Variants in DDX1 observed in about 807,000 individuals in gnomAD.
The protein encoded by DDX1 is ATP-dependent RNA helicase DDX1.
In DDX1, 28 loss-of-function variants were observed where a neutral mutation model predicts 108.7. The observed-to-expected ratio is 0.26, with a 90% CI of 0.19 to 0.35. The LOEUF (loss-of-function observed/expected upper bound fraction) is 0.35, where lower values mean the gene tolerates loss of function less well. Ranked by LOEUF, DDX1 falls within the 10% of genes least tolerant of loss-of-function variation. The pLI, the probability that DDX1 is intolerant of heterozygous loss-of-function variation, is 1.00. For missense variants in DDX1, 710 were observed against 884.5 expected, an observed-to-expected ratio of 0.80 and a Z score of 2.50; for synonymous variants, 295 against 288.9, an observed-to-expected ratio of 1.02 and a Z score of -0.21.
chr2:15,595,839 T>A (rs562664130), intron 3 of DDX1, among the ~76,000 whole-genome samples: 1 of 152,168 alleles, frequency 6.6e-6, no homozygotes, highest in Non-Finnish European at 1.5e-5. Context: ...AGTTGTCCTT[T>A]TGCTTGAAGG....
chr2:15,617,674 A>G (rs536691954), intron 15 of DDX1, among the ~76,000 whole-genome samples: 1 of 152,316 alleles, frequency 6.6e-6, no homozygotes, highest in South Asian at 2.1e-4. Context: ...ATGTAGGCAG[A>G]TTTGATTTTT....
intron 16 of DDX1, among the ~76,000 whole-genome samples, chr2:15,618,771 C>T (rs1298829911): frequency 2.0e-5 from 3 of 152,394 alleles, no homozygotes; most frequent in South Asian, 4.1e-4. Context: ...GGGCCGTCCT[C>T]AGCCTGCCTT....
chr2:15,623,416 T>C lies in DDX1; in HGVS notation c.1448-20T>C. 6.2e-7 allele frequency: 1 copy of C among 1,611,560 alleles called. No homozygotes were observed. The highest frequency in any genetic ancestry group is 1.1e-5 in the South Asian group (1 of 90,856). On this transcript the variant is annotated intron_variant, in intron 18 of 25. Coordinates refer to ENST00000233084, the MANE Select transcript of DDX1 (RefSeq NM_004939.3). ...CAGATTGAAATTCTGTTGGTTTTTG[T>C]TGTTGTTATGATATTCAAGAGATGT...
intron 4 of DDX1, among the ~76,000 whole-genome samples, 173 bp from the exon 5 acceptor site, chr2:15,597,202 C>G (rs1248139796): frequency 6.6e-6 from 1 of 152,146 alleles, no homozygotes; most frequent in African/African-American, 2.4e-5. Context: ...TTCATTCAGT[C>G]CACTCTGTGT....
At chr2:15,604,907 C>T (rs963351413) in intron 10 of DDX1, among the ~76,000 whole-genome samples, 2 of 152,098 alleles carry the variant, frequency 1.3e-5, no homozygotes, top group Non-Finnish European at 2.9e-5. Context: ...GGTGGTAGGC[C>T]ATGCAGATTT....
rs547239592 is a variant in DDX1, at chr2:15,619,423, G to C, written c.1207-785G>C. ...GGGTGGCCCAGTCAGCTGCCTTGGGGATGCGGGGCACAGGGAACCCACCAC... is the reference window on the plus strand; with the variant it reads ...GGGTGGCCCAGTCAGCTGCCTTGGGCATGCGGGGCACAGGGAACCCACCAC... On this transcript the variant is annotated intron_variant, in intron 16 of 25. Coordinates refer to ENST00000233084, the MANE Select transcript of DDX1 (RefSeq NM_004939.3). 6.6e-5 allele frequency among the ~76,000 whole-genome samples: 10 copies of C among 152,210 alleles called. No individual in the cohort carries two copies. The East Asian group carries it at 1.2e-3, about 18-fold the overall frequency.
chr2:15,618,403 C>G (rs958935828), intron 16 of DDX1, 133 bp downstream of exon 16: 2 of 574,590 alleles, frequency 3.5e-6, no homozygotes, highest in Non-Finnish European at 6.4e-6. Context: ...GGGTTTTGCT[C>G]AGTTCCACCC....
intron 15 of DDX1, 33 bp downstream of exon 15, chr2:15,617,375 G>A: frequency 1.5e-6 from 2 of 1,326,634 alleles, no homozygotes; most frequent in Non-Finnish European, 2.1e-6. Context: ...TTTTTAAAAA[G>A]TTTACTTATA....
At chr2:15,597,773 G>A (rs1410242300) in intron 5 of DDX1, among the ~76,000 whole-genome samples, 1 of 151,970 alleles carries the variant, frequency 6.6e-6, no homozygotes, top group Non-Finnish European at 1.5e-5. Flanking sequence ...TAATGCTAAA[G>A]GAAAATAGGT....
chr2:15,627,454 C>A, intron 20 of DDX1: 2 of 213,390 alleles, frequency 9.4e-6, no homozygotes, highest in South Asian at 8.1e-5. Context: ...TGTCTATGTG[C>A]CTTAAAAACA....
At chr2:15,614,737 T>G (rs1373219835) in intron 14 of DDX1, among the ~76,000 whole-genome samples, 1 of 152,202 alleles carries the variant, frequency 6.6e-6, no homozygotes, top group Non-Finnish European at 1.5e-5. Flanking sequence ...CAAATATTCT[T>G]TTCTTTATAA....
chr2:15,615,705 A>G (rs979672376), intron 14 of DDX1, among the ~76,000 whole-genome samples: 4 of 152,196 alleles, frequency 2.6e-5, no homozygotes, highest in African/African-American at 9.6e-5. Flanking sequence ...TAACTTTGCT[A>G]ATAGAAAACT....
rs761342048 is a variant in DDX1, at chr2:15,628,870, T to C, written c.1875+31T>C. 2.3e-5 allele frequency: 37 copies of C among 1,582,970 alleles called. No individual in the cohort carries two copies. The African/African-American group carries it at 4.7e-4, about 20-fold the overall frequency. On this transcript the variant is annotated intron_variant, in intron 23 of 25. Coordinates refer to ENST00000233084, the MANE Select transcript of DDX1 (RefSeq NM_004939.3). ...CTTTGTAGGGCTCTATTATATTCAT[T>C]GTGTGTGTTGTGATTTTAGATGTTG...
intron 1 of DDX1, among the ~76,000 whole-genome samples, chr2:15,593,622 T>C (rs1167303353): frequency 6.6e-6 from 1 of 152,218 alleles, no homozygotes; most frequent in Non-Finnish European, 1.5e-5. Context: ...CAGTATTCCG[T>C]ATGCAGTAAG....
In DDX1 at chr2:15,620,274, T is replaced by C; in HGVS notation, c.1273T>C (p.Phe425Leu). The change falls in exon 17 of 26, where the codon TTT (phenylalanine) becomes CTT (leucine). Residue 425 changes from phenylalanine to leucine, a missense_variant. Coordinates refer to ENST00000233084, the MANE Select transcript of DDX1 (RefSeq NM_004939.3). ...GAAACTGTCCGAGAAGATAATGCAT[T>C]TTCCTACATGGGTTGACTTAAAAGG... is the stretch of plus-strand genomic sequence containing the variant. ...VKKLSEKIMH[F>L]PTWVDLKGED... 6.2e-7 allele frequency: 1 copy of C among 1,614,110 alleles called. No homozygotes were observed. Among genetic ancestry groups the C allele is most frequent in the South Asian group, 1.1e-5 (1 of 91,072 alleles).
intron 18 of DDX1, among the ~76,000 whole-genome samples, chr2:15,621,704 G>A (rs1666011817): frequency 1.3e-5 from 2 of 151,274 alleles, no homozygotes; most frequent in South Asian, 2.1e-4. Context: ...CCAGACTAGA[G>A]TGCACTGGTG....
intron 14 of DDX1, 95 bp downstream of exon 14, chr2:15,613,379 G>A: frequency 3.8e-6 from 3 of 784,648 alleles, no homozygotes; most frequent in South Asian, 3.8e-5. Flanking sequence ...AAGTGAGGCT[G>A]AAATTAGAGC....
chr2:15,622,951 T>C (rs1360738433), intron 18 of DDX1, among the ~76,000 whole-genome samples: 1 of 152,134 alleles, frequency 6.6e-6, no homozygotes, highest in Non-Finnish European at 1.5e-5. Flanking sequence ...TGTGTTAAGG[T>C]TTTTACTGCG....
intron 19 of DDX1, 107 bp downstream of exon 19, chr2:15,623,689 G>C: frequency 1.1e-6 from 1 of 888,970 alleles, no homozygotes; most frequent in East Asian, 2.5e-5. Flanking sequence ...TAAAGCAGTT[G>C]ATGGCATATT....
Sources: gnomAD v4.1 joint callset for allele counts (sites outside exome capture counted in the v4.1 genomes callset) on GRCh38, gnomAD v4.1.1 for gene constraint, MANE v1.5 for transcripts, NCBI Gene and HGNC (gene_info 2026-07-23, HGNC 2026-07-21) for gene names.